Variants in ARHGEF10 observed in about 807,000 individuals in gnomAD.
ARHGEF10 encodes the protein Rho guanine nucleotide exchange factor 10.
A neutral mutation model predicts 147.4 loss-of-function variants in ARHGEF10; 140 were observed. The ratio of observed to expected loss-of-function variants is 0.95; its 90% CI spans 0.83 to 1.09. The LOEUF (loss-of-function observed/expected upper bound fraction) is 1.09. ARHGEF10 is among the 50% of genes least tolerant of loss of function. The pLI is 0.00. For synonymous variants in ARHGEF10, 902 were observed against 695.8 expected (o/e 1.30, Z -4.67); for missense variants, 2,222 against 1,752.7 (o/e 1.27, Z -4.78).
At chr8:1,863,774 G>A (rs981061922) in intron 4 of ARHGEF10, among the ~76,000 whole-genome samples, 6 of 152,076 alleles carry the variant, frequency 3.9e-5, no homozygotes, top group East Asian at 1.9e-4. Flanking sequence ...CTTTGCTCAC[G>A]GCTCACCGTT....
intron 1 of ARHGEF10, among the ~76,000 whole-genome samples, chr8:1,828,805 C>T (rs1487858087): frequency 3.3e-5 from 5 of 150,590 alleles, no homozygotes; most frequent in African/African-American, 7.4e-5. Context: ...TTTGATAAAC[C>T]GTGGCATGCA....
intron 13 of ARHGEF10, among the ~76,000 whole-genome samples, chr8:1,894,911 G>A (rs752282310): frequency 3.3e-5 from 5 of 152,158 alleles, no homozygotes; most frequent in Non-Finnish European, 5.9e-5. Flanking sequence ...CGTGTGTTTG[G>A]CAATGTTGTA....
intron 2 of ARHGEF10, among the ~76,000 whole-genome samples, chr8:1,853,792 C>T (rs913489867): frequency 3.3e-5 from 5 of 152,322 alleles, no homozygotes; most frequent in African/African-American, 9.6e-5. Context: ...CTTGCCTCTT[C>T]CAGCGCCCGC....
chr8:1,955,964 C>A (rs888179481), intron 28 of ARHGEF10, among the ~76,000 whole-genome samples: 1 of 152,204 alleles, frequency 6.6e-6, no homozygotes, highest in Admixed American at 6.5e-5. Flanking sequence ...TGGACTCTCA[C>A]CACGGTGGAA....
In ARHGEF10 at chr8:1,923,111, T is replaced by C. The variant is rs371896350; in HGVS notation, c.2259+32T>C. 2.3e-5 allele frequency: 33 copies of C among 1,464,824 alleles called. No individual in the cohort carries two copies. The African/African-American group carries it at 4.3e-4, about 19-fold the overall frequency. 90.7% of individuals were successfully genotyped at this position (1,464,824 alleles called of 1,614,324 possible). A position where few individuals can be genotyped will look rare whatever the true frequency, so the allele number is the denominator to read the frequency against. On this transcript the variant is annotated intron_variant, in intron 19 of 28. Coordinates refer to ENST00000349830, the MANE Select transcript of ARHGEF10 (RefSeq NM_014629.4). ...ATTGAAGCAATTGGATTTAAGATTC[T>C]GCCTTTACTTATAAGTCATTGTAAG...
chr8:1,908,229 T>G (rs1811060226), intron 17 of ARHGEF10, among the ~76,000 whole-genome samples: 1 of 58,802 alleles, frequency 1.7e-5, no homozygotes, highest in Non-Finnish European at 3.2e-5. Context: ...ACACTTTGAT[T>G]TTTTTTTTTT....
Position 1,841,268 on chromosome 8 carries a change from G to A in ARHGEF10, c.-47-2085G>A, listed in dbSNP as rs201871508. Among the ~76,000 whole-genome samples the A allele has an allele frequency of 2.9e-4, 7 of 23,908 alleles. No homozygotes were observed. The East Asian group carries it at 6.7e-3, about 23-fold the overall frequency. The allele number at this position is 23,908 out of a possible 152,430, so 15.7% of individuals were successfully genotyped here. A position where few individuals can be genotyped will look rare whatever the true frequency, so the allele number is the denominator to read the frequency against. On this transcript the variant is annotated intron_variant, in intron 1 of 28. Coordinates refer to ENST00000349830, the MANE Select transcript of ARHGEF10 (RefSeq NM_014629.4). ...CTAAAAGGAAAAAGCTAGGGTAAAA[G>A]TAATCTATGTAGAAGGTTATTTGGG...
At chr8:1,897,580 G>A (rs759717646) in intron 14 of ARHGEF10, among the ~76,000 whole-genome samples, 4 of 151,228 alleles carry the variant, frequency 2.6e-5, no homozygotes, top group African/African-American at 7.3e-5. Context: ...CTAAGGCATC[G>A]GATCGCAGTT....
At chr8:1,826,151 T>C in intron 1 of ARHGEF10, 1 of 1,588,248 alleles carries the variant, frequency 6.3e-7, no homozygotes, top group Non-Finnish European at 8.5e-7. Context: ...AAAAGTCATT[T>C]GTATAAGGTG....
intron 18 of ARHGEF10, among the ~76,000 whole-genome samples, chr8:1,912,943 A>C (rs1811483168): frequency 6.6e-6 from 1 of 152,034 alleles, no homozygotes; most frequent in Non-Finnish European, 1.5e-5. Context: ...GGTGCACTCC[A>C]CCCGGCCGCT....
chr8:1,830,383 C>T (rs931334735), intron 1 of ARHGEF10, among the ~76,000 whole-genome samples: 1 of 152,204 alleles, frequency 6.6e-6, no homozygotes, highest in African/African-American at 2.4e-5. Flanking sequence ...CAAACACCTG[C>T]GAGCACCTTC....
intron 2 of ARHGEF10, among the ~76,000 whole-genome samples, chr8:1,852,555 G>T (rs1171605545): frequency 6.6e-6 from 1 of 152,138 alleles, no homozygotes; most frequent in African/African-American, 2.4e-5. Flanking sequence ...GAGAGAACCC[G>T]GGAGCAGCAC....
intron 17 of ARHGEF10, among the ~76,000 whole-genome samples, chr8:1,907,521 T>C (rs1810996435): frequency 6.6e-6 from 1 of 152,234 alleles, no homozygotes; most frequent in African/African-American, 2.4e-5. Flanking sequence ...TGTCTGACAC[T>C]GACTGCTGCT....
chr8:1,892,368 A>T (rs1259213684), intron 11 of ARHGEF10, among the ~76,000 whole-genome samples: 1 of 144,832 alleles, frequency 6.9e-6, no homozygotes, highest in Admixed American at 7.0e-5. Flanking sequence ...ATACATTAGT[A>T]TTTTTTTAAT....
intron 28 of ARHGEF10, among the ~76,000 whole-genome samples, chr8:1,953,543 A>G: frequency 6.6e-6 from 1 of 152,390 alleles, no homozygotes; most frequent in East Asian, 1.9e-4. Flanking sequence ...GTCTGGAATC[A>G]GGATTCCCAA....
chr8:1,913,276 A>G (rs1811514447), intron 18 of ARHGEF10, among the ~76,000 whole-genome samples: 1 of 150,172 alleles, frequency 6.7e-6, no homozygotes, highest in South Asian at 2.1e-4. Flanking sequence ...GTTACCGCCC[A>G]TCCTTCCCAG....
intron 15 of ARHGEF10, among the ~76,000 whole-genome samples, chr8:1,901,368 C>G (rs1298703568): frequency 6.6e-6 from 1 of 152,126 alleles, no homozygotes; most frequent in Admixed American, 6.5e-5. Flanking sequence ...TTAGTGCTCC[C>G]AGACCTTCTT....
rs1211345316 is a variant in ARHGEF10 at position 1,905,658 on chromosome 8, A to G, written c.1909A>G (p.Lys637Glu). Reference protein sequence around the residue: ...YNDRGEIVKTKERRVFMLNDV... With the variant: ...YNDRGEIVKTEERRVFMLNDV... ...CGACAGAGGAGAGATTGTTAAAACC[A>G]AAGAACGCCGAGTCTTCATGTTAAA... The change falls in exon 17 of 29, where the codon AAA becomes GAA. Residue 637 changes from lysine to glutamate, a missense_variant. Transcript: ENST00000349830. 1 of 1,614,218 alleles carries G rather than the reference A, an allele frequency of 6.2e-7. No individual in the cohort carries two copies. The highest frequency in any genetic ancestry group is 8.5e-7 in the Non-Finnish European group (1 of 1,180,034).
intron 1 of ARHGEF10, among the ~76,000 whole-genome samples, chr8:1,834,325 G>C (rs2129041083): frequency 6.6e-6 from 1 of 152,256 alleles, no homozygotes; most frequent in South Asian, 2.1e-4. Flanking sequence ...TCTTTTCTGG[G>C]AGCGTGCAGA....
Sources: gnomAD v4.1 joint callset for allele counts (sites outside exome capture counted in the v4.1 genomes callset) on GRCh38, gnomAD v4.1.1 for gene constraint, MANE v1.5 for transcripts, NCBI Gene and HGNC (gene_info 2026-07-23, HGNC 2026-07-21) for gene names.